Variants in TNFSF4 observed in about 807,000 individuals in gnomAD.
TNFSF4 encodes TNF superfamily member 4, also known as tumor necrosis factor ligand superfamily member 4.
Under a neutral mutation model 7.3 loss-of-function variants are expected in TNFSF4, and 4 were observed. That is an observed-to-expected ratio of 0.55 (90% CI 0.27 to 1.25). The LOEUF (loss-of-function observed/expected upper bound fraction) is 1.25. Ranked by LOEUF, TNFSF4 falls within the 50% of genes most tolerant of loss-of-function variation. The pLI is 0.12. For missense variants in TNFSF4, 181 were observed against 208.8 expected, an observed-to-expected ratio of 0.87 and a Z score of 0.82; for synonymous variants, 76 against 83.7, an observed-to-expected ratio of 0.91 and a Z score of 0.50.
the TNFSF4 span, among the ~76,000 whole-genome samples, chr1:173,395,377 AATAT>A: frequency 0.016 from 999 of 63,182 alleles, 14 homozygotes; most frequent in South Asian, 0.055. Flanking sequence ...CTGTGTATAT[AATAT>A]ATATATATAT....
chr1:173,198,816 T>TG (rs964617722), intron 1 of TNFSF4, among the ~76,000 whole-genome samples: 2 of 152,164 alleles, frequency 1.3e-5, no homozygotes, highest in African/African-American at 2.4e-5. Flanking sequence ...ACCTCATCTG[T>TG]GGGGGGCTAA....
chr1:173,177,661 C>G, the TNFSF4 span, among the ~76,000 whole-genome samples: 1 of 152,060 alleles, frequency 6.6e-6, no homozygotes, highest in Non-Finnish European at 1.5e-5. Context: ...CAGTCTCTGT[C>G]CCTGCTAAGT....
chr1:173,372,946 G>A, the TNFSF4 span, among the ~76,000 whole-genome samples: 3 of 152,228 alleles, frequency 2.0e-5, no homozygotes, highest in Non-Finnish European at 4.4e-5. Context: ...GGGATACGAA[G>A]GGCAGGTTAT....
At chr1:173,244,648 A>AC in the TNFSF4 span, among the ~76,000 whole-genome samples, 9 of 128,112 alleles carry the variant, frequency 7.0e-5, no homozygotes, top group African/African-American at 2.5e-4. Flanking sequence ...TCTCAAAAAA[A>AC]AACAAAAAAC....
the TNFSF4 span, among the ~76,000 whole-genome samples, chr1:173,287,635 A>G: frequency 6.6e-6 from 1 of 152,190 alleles, no homozygotes; most frequent in Non-Finnish European, 1.5e-5. Context: ...TGTTCTCAGA[A>G]AAGTTATTTA....
At chr1:173,407,172 G>C in the TNFSF4 span, among the ~76,000 whole-genome samples, 2 of 151,086 alleles carry the variant, frequency 1.3e-5, no homozygotes, top group African/African-American at 4.9e-5. Flanking sequence ...CAGCCTGGCT[G>C]GGGTGTTGGG....
the TNFSF4 span, among the ~76,000 whole-genome samples, chr1:173,383,914 G>A: frequency 2.0e-5 from 3 of 152,152 alleles, no homozygotes; most frequent in East Asian, 5.8e-4. Context: ...TTAATGAGGT[G>A]ATATTAATAA....
chr1:173,225,099 T>C, the TNFSF4 span, among the ~76,000 whole-genome samples: 6 of 152,222 alleles, frequency 3.9e-5, no homozygotes, highest in Non-Finnish European at 8.8e-5. Flanking sequence ...CTGTGTCTCA[T>C]ACTCCCCTTG....
the TNFSF4 span, among the ~76,000 whole-genome samples, chr1:173,431,997 G>A: frequency 7.2e-5 from 11 of 152,288 alleles, no homozygotes; most frequent in African/African-American, 2.6e-4. Context: ...GCCCTGAGAG[G>A]ACCTAAAAGA....
chr1:173,235,721 A>T, the TNFSF4 span, among the ~76,000 whole-genome samples: 1 of 152,240 alleles, frequency 6.6e-6, no homozygotes, highest in Non-Finnish European at 1.5e-5. Context: ...ATAACCTTTT[A>T]AAAAATGTGT....
the TNFSF4 span, among the ~76,000 whole-genome samples, chr1:173,343,927 G>A: frequency 3.3e-5 from 5 of 152,314 alleles, no homozygotes; most frequent in African/African-American, 1.2e-4. Flanking sequence ...ACAGACAGGT[G>A]TTAGAGACAT....
the TNFSF4 span, among the ~76,000 whole-genome samples, chr1:173,240,226 T>A: frequency 2.0e-5 from 3 of 152,198 alleles, no homozygotes; most frequent in South Asian, 6.2e-4. Context: ...CCCCACTTTG[T>A]GGCACACTAT....
the TNFSF4 span, among the ~76,000 whole-genome samples, chr1:173,387,868 TA>T: frequency 6.6e-6 from 1 of 152,180 alleles, no homozygotes; most frequent in Non-Finnish European, 1.5e-5. Flanking sequence ...ATTCTCACAC[TA>T]AAAAAATGAT....
chr1:173,212,776 T>C, the TNFSF4 span, among the ~76,000 whole-genome samples: 1 of 152,086 alleles, frequency 6.6e-6, no homozygotes, highest in African/African-American at 2.4e-5. Context: ...TACATGCCTG[T>C]ATCAAAATAT....
At chr1:173,407,176 T>C in the TNFSF4 span, among the ~76,000 whole-genome samples, 13 of 150,920 alleles carry the variant, frequency 8.6e-5, 1 homozygote, top group South Asian at 2.7e-3. Flanking sequence ...CTGGCTGGGG[T>C]GTTGGGGCCC....
chr1:173,335,603 G>A, the TNFSF4 span, among the ~76,000 whole-genome samples: 16 of 152,238 alleles, frequency 1.1e-4, no homozygotes, highest in East Asian at 2.7e-3. Flanking sequence ...TACTAAATTC[G>A]AGTAAATTCT....
the TNFSF4 span, among the ~76,000 whole-genome samples, chr1:173,279,151 G>T: frequency 6.6e-6 from 1 of 152,006 alleles, no homozygotes; most frequent in Non-Finnish European, 1.5e-5. Flanking sequence ...CTCATATTTT[G>T]TATAGAAAGG....
At chr1:173,447,715 G>A in the TNFSF4 span, among the ~76,000 whole-genome samples, 3 of 151,830 alleles carry the variant, frequency 2.0e-5, no homozygotes, top group Non-Finnish European at 1.5e-5. Context: ...CAATAGAAAG[G>A]GAAAACAGAG....
the TNFSF4 span, among the ~76,000 whole-genome samples, chr1:173,438,492 A>AT: frequency 6.6e-6 from 1 of 151,840 alleles, no homozygotes; most frequent in African/African-American, 2.4e-5. Flanking sequence ...AGCTGATTGT[A>AT]TTTTTTTCTT....
Sources: gnomAD v4.1 joint callset for allele counts (sites outside exome capture counted in the v4.1 genomes callset) on GRCh38, gnomAD v4.1.1 for gene constraint, MANE v1.5 for transcripts, NCBI Gene and HGNC (gene_info 2026-07-23, HGNC 2026-07-21) for gene names.